The following ASIC2 variants were observed in gnomAD, a reference collection of about 807,000 sequenced individuals.
ASIC2 encodes acid sensing ion channel subunit 2, also known as acid-sensing ion channel 2.
A neutral mutation model predicts 57.3 loss-of-function variants in ASIC2; 25 were observed. The ratio of observed to expected loss-of-function variants is 0.44; its 90% CI spans 0.32 to 0.61. ASIC2 has a LOEUF of 0.61. ASIC2 is among the 20% of genes least tolerant of loss of function. ASIC2 has a pLI of 0.06. For missense variants in ASIC2, 641 were observed against 738.1 expected (o/e 0.87, Z 1.52); for synonymous variants, 319 against 307.5 (o/e 1.04, Z -0.39).
intron 1 of ASIC2, among the ~76,000 whole-genome samples, chr17:33,505,509 C>T (rs11656367): frequency 3.3e-5 from 5 of 152,152 alleles, no homozygotes; most frequent in Middle Eastern, 3.2e-3. Context: ...CAATCCCTCC[C>T]GCTGTATAAC....
At chr17:33,693,108 A>G (rs1318767080) in intron 1 of ASIC2, among the ~76,000 whole-genome samples, 1 of 152,124 alleles carries the variant, frequency 6.6e-6, no homozygotes, top group Non-Finnish European at 1.5e-5. Flanking sequence ...TCTTTTTCGT[A>G]TACTAAATTC....
intron 1 of ASIC2, among the ~76,000 whole-genome samples, chr17:33,681,936 G>A (rs1376741724): frequency 6.6e-6 from 1 of 151,948 alleles, no homozygotes; most frequent in Non-Finnish European, 1.5e-5. Context: ...TATTTGACCT[G>A]TATTAACTTT....
chr17:33,226,054 T>G (rs888628102), intron 1 of ASIC2, among the ~76,000 whole-genome samples: 1 of 152,188 alleles, frequency 6.6e-6, no homozygotes, highest in African/African-American at 2.4e-5. Flanking sequence ...ACTTGTGGTC[T>G]ACTAGGAAAG....
intron 1 of ASIC2, among the ~76,000 whole-genome samples, chr17:33,760,434 T>C (rs1449119927): frequency 6.6e-6 from 1 of 152,100 alleles, no homozygotes; most frequent in Non-Finnish European, 1.5e-5. Flanking sequence ...ATACAAATCA[T>C]AGCCAGATTT....
At chr17:33,573,757 G>A (rs761515813) in intron 1 of ASIC2, among the ~76,000 whole-genome samples, 2 of 152,114 alleles carry the variant, frequency 1.3e-5, no homozygotes, top group Non-Finnish European at 2.9e-5. Context: ...ACAGAGACAG[G>A]GTTTTGCCAC....
chr17:33,491,907 A>G (rs967090486), intron 1 of ASIC2, among the ~76,000 whole-genome samples: 17 of 152,156 alleles, frequency 1.1e-4, no homozygotes, highest in African/African-American at 3.9e-4. Flanking sequence ...CTCATGCCTT[A>G]TATTTTCTCC....
intron 1 of ASIC2, among the ~76,000 whole-genome samples, chr17:33,525,957 A>G (rs937588986): frequency 1.3e-5 from 2 of 152,146 alleles, no homozygotes; most frequent in Non-Finnish European, 2.9e-5. Flanking sequence ...ACTCGTGGGT[A>G]TCTTCTTGTC....
chr17:33,816,111 G>A (rs1391837659), intron 1 of ASIC2, among the ~76,000 whole-genome samples: 3 of 138,420 alleles, frequency 2.2e-5, no homozygotes, highest in African/African-American at 5.3e-5. Context: ...AGAGATGAGG[G>A]GAGACTTCCA....
At chr17:33,937,551 T>C (rs769965200) in intron 1 of ASIC2, among the ~76,000 whole-genome samples, 2 of 152,214 alleles carry the variant, frequency 1.3e-5, no homozygotes, top group Non-Finnish European at 1.5e-5. Flanking sequence ...GCCTTCCTTT[T>C]TCTATGCAGA....
intron 1 of ASIC2, among the ~76,000 whole-genome samples, chr17:33,143,504 T>A (rs1403342439): frequency 6.6e-6 from 1 of 152,174 alleles, no homozygotes; most frequent in Non-Finnish European, 1.5e-5. Context: ...AAAGCTATTA[T>A]TAACCCCATT....
In ASIC2 at chr17:33,224,099, A is replaced by G. The variant is rs556710618; in HGVS notation, c.708+67309T>C. ...TGAGGCTTGGACACGTTGTCTCAAT[A>G]TGGAAAACAACTTCAGATGCAAGCC... On this transcript the variant is annotated intron_variant, in intron 1 of 9. Coordinates refer to ENST00000225823, the MANE Select transcript of ASIC2 (RefSeq NM_183377.2). Among the ~76,000 whole-genome samples the G allele has an allele frequency of 5.9e-5, 9 of 152,308 alleles. No homozygotes were observed. In the East Asian group the frequency reaches 1.7e-3, roughly 29 times the overall value.
At chr17:33,406,385 A>G (rs1423632012) in intron 1 of ASIC2, among the ~76,000 whole-genome samples, 1 of 152,218 alleles carries the variant, frequency 6.6e-6, no homozygotes, top group East Asian at 1.9e-4. Flanking sequence ...CATAAATTAT[A>G]AATAATGATG....
intron 1 of ASIC2, among the ~76,000 whole-genome samples, chr17:33,277,739 G>A (rs1904762800): frequency 1.3e-5 from 2 of 152,162 alleles, no homozygotes; most frequent in Non-Finnish European, 2.9e-5. Context: ...CCTTAGACAG[G>A]GATATGTGAT....
intron 1 of ASIC2, among the ~76,000 whole-genome samples, chr17:33,346,691 C>A (rs1907963032): frequency 6.6e-6 from 1 of 152,098 alleles, no homozygotes. Flanking sequence ...GAGATTAAAG[C>A]TGAAGATATA....
At chr17:33,874,199 C>T (rs148137238) in intron 1 of ASIC2, among the ~76,000 whole-genome samples, 1 of 152,136 alleles carries the variant, frequency 6.6e-6, no homozygotes, top group African/African-American at 2.4e-5. Flanking sequence ...GCTGGCTGGG[C>T]CCCCTTGGCT....
rs1597916120 is a variant in ASIC2 at position 33,884,631 on chromosome 17, C to G, written c.555+271347G>C. 2.0e-5 allele frequency among the ~76,000 whole-genome samples: 3 copies of G among 152,176 alleles called. No homozygotes were observed. In the Middle Eastern group the frequency reaches 0.01, roughly 521 times the overall value. ...ATCCCTCCTGCTCTGCCTTACACTA[C>G]CCCCTTAGCTTCCCACTTGGCCTCC... On this transcript the variant is annotated intron_variant, in intron 1 of 9. Transcript: ENST00000359872.
At chr17:33,695,571 A>G (rs1908499035) in intron 1 of ASIC2, among the ~76,000 whole-genome samples, 1 of 152,244 alleles carries the variant, frequency 6.6e-6, no homozygotes, top group Non-Finnish European at 1.5e-5. Context: ...GGCAAGCTGA[A>G]CTATACAGAA....
At chr17:33,605,827 C>T (rs9898657) in intron 1 of ASIC2, among the ~76,000 whole-genome samples, 3,178 of 152,304 alleles carry the variant, frequency 0.021, 58 homozygotes, top group East Asian at 0.071. Flanking sequence ...GCAGCCTTGC[C>T]ATGCATTCAT....
intron 1 of ASIC2, among the ~76,000 whole-genome samples, chr17:34,104,171 T>C (rs1029821708): frequency 2.6e-5 from 4 of 152,162 alleles, no homozygotes; most frequent in Non-Finnish European, 5.9e-5. Context: ...GATTTACATA[T>C]CTTTTGTTAA....
Sources: allele counts gnomAD v4.1 joint callset (sites outside exome capture counted in the v4.1 genomes callset), GRCh38; gene constraint gnomAD v4.1.1; transcripts MANE v1.5; gene names NCBI Gene and HGNC (gene_info 2026-07-23, HGNC 2026-07-21).